The following CREB1 variants were observed in gnomAD, a reference collection of about 807,000 sequenced individuals.
The protein encoded by CREB1 is cyclic AMP-responsive element-binding protein 1.
Under a neutral mutation model 42.0 loss-of-function variants are expected in CREB1, and 2 were observed. The ratio of observed to expected loss-of-function variants is 0.05; its 90% CI spans 0.02 to 0.15. The LOEUF is 0.15. Among genes scored for constraint, CREB1 ranks in the 10% least tolerant of loss-of-function variants. The probability of loss-of-function intolerance (pLI) is 1.00; values close to 1 mark genes in which losing one functional copy is unlikely to be tolerated. For missense variants in CREB1, 199 were observed against 388.9 expected (o/e 0.51, Z 4.11); for synonymous variants, 123 against 139.9 (o/e 0.88, Z 0.85).
chr2:207,531,278 C>T (rs1480466943), intron 1 of CREB1, among the ~76,000 whole-genome samples: 2 of 152,168 alleles, frequency 1.3e-5, no homozygotes, highest in African/African-American at 2.4e-5. Context: ...CCCACTCCCC[C>T]TACCATATTT....
At chr2:207,541,846 C>T (rs1303882883) in intron 1 of CREB1, among the ~76,000 whole-genome samples, 2 of 152,294 alleles carry the variant, frequency 1.3e-5, no homozygotes, top group Middle Eastern at 3.4e-3. Flanking sequence ...CAGCCATCAC[C>T]TCTTAATCTC....
intron 1 of CREB1, among the ~76,000 whole-genome samples, chr2:207,530,831 C>T (rs1283791904): frequency 6.6e-6 from 1 of 151,886 alleles, no homozygotes; most frequent in Non-Finnish European, 1.5e-5. Context: ...AAGGTTTCCT[C>T]TCGTGCTGTA....
At position 207,601,882 on chromosome 2, in the gene CREB1, G is replaced by C. The variant is rs1482854445; in HGVS notation, c.*4824G>C. ...TTGTTGGGAGGCTTACATACATCTTGAATATTCTTAATGTAATAATGTTGA... is the reference window on the plus strand; with the variant it reads ...TTGTTGGGAGGCTTACATACATCTTCAATATTCTTAATGTAATAATGTTGA... On this transcript the variant is annotated 3_prime_UTR_variant, in exon 8 of 8. Transcript: ENST00000353267. The C allele has an allele frequency of 4.6e-6, 1 of 215,056 alleles. No individual in the cohort carries two copies. The highest frequency in any genetic ancestry group is 9.4e-6 in the Non-Finnish European group (1 of 106,746). The allele number at this position is 215,056 out of a possible 1,614,324, so 13.3% of individuals were successfully genotyped here.
intron 2 of CREB1, among the ~76,000 whole-genome samples, chr2:207,558,673 T>G (rs999720950): frequency 6.6e-6 from 1 of 151,702 alleles, no homozygotes; most frequent in African/African-American, 2.4e-5. Flanking sequence ...AGATGGAGTT[T>G]TGTTCTTATT....
chr2:207,538,619 A>G (rs2080969773), intron 1 of CREB1, among the ~76,000 whole-genome samples: 1 of 152,178 alleles, frequency 6.6e-6, no homozygotes, highest in African/African-American at 2.4e-5. Context: ...TAAGGAATTG[A>G]TGGTGAGTTT....
At chr2:207,551,505 A>C (rs1458030147) in intron 1 of CREB1, among the ~76,000 whole-genome samples, 1 of 152,182 alleles carries the variant, frequency 6.6e-6, no homozygotes, top group Non-Finnish European at 1.5e-5. Context: ...TATGACTTGT[A>C]GTTTTTTTAA....
chr2:207,543,847 C>T (rs7590024), intron 1 of CREB1, among the ~76,000 whole-genome samples: 1 of 152,192 alleles, frequency 6.6e-6, no homozygotes, highest in Non-Finnish European at 1.5e-5. Context: ...TTGTGATCTG[C>T]CCACCTCAGC....
Position 207,600,971 on chromosome 2 carries a change from C to T in CREB1, c.*3913C>T. On this transcript the variant is annotated 3_prime_UTR_variant, in exon 8 of 8. Coordinates refer to ENST00000353267, the MANE Select transcript of CREB1 (RefSeq NM_004379.5). ...TAATTCTATGATCAGCCACAGTCAG[C>T]TATTACCATAAATTGGTCTCTGTTT... 1 of 148,278 alleles carries T rather than the reference C, an allele frequency of 6.7e-6. No homozygotes were observed. Among genetic ancestry groups the T allele is most frequent in the Non-Finnish European group, 1.3e-5 (1 of 77,700 alleles). 9.2% of individuals were successfully genotyped at this position (148,278 alleles called of 1,614,324 possible).
At chr2:207,542,479 A>G (rs1018978955) in intron 1 of CREB1, among the ~76,000 whole-genome samples, 16 of 152,100 alleles carry the variant, frequency 1.1e-4, no homozygotes, top group African/African-American at 3.9e-4. Flanking sequence ...CTTCTTTGGG[A>G]AAATTTCTGT....
At chr2:207,591,385 G>A (rs2084994052) in intron 7 of CREB1, among the ~76,000 whole-genome samples, 1 of 152,226 alleles carries the variant, frequency 6.6e-6, no homozygotes, top group Admixed American at 6.5e-5. Context: ...TTCTTCAGAA[G>A]AATGCTTTGT....
chr2:207,554,372 A>G (rs550591474), intron 1 of CREB1, among the ~76,000 whole-genome samples: 2 of 152,336 alleles, frequency 1.3e-5, no homozygotes, highest in African/African-American at 4.8e-5. Context: ...TTTGATGACC[A>G]ATTTCAGAGT....
intron 7 of CREB1, among the ~76,000 whole-genome samples, chr2:207,590,312 CCTCT>C (rs140908499): frequency 6.6e-6 from 1 of 151,344 alleles, no homozygotes; most frequent in African/African-American, 2.4e-5. Context: ...TTTTGTCTTT[CCTCT>C]CTCTCTGTAT....
rs2086677804 is a variant in CREB1, at chr2:207,599,404, G to GTATTCTCTA, written c.*2347_*2355dup. 3 of 203,638 alleles carry GTATTCTCTA rather than the reference G, an allele frequency of 1.5e-5. No individual in the cohort carries two copies. In the East Asian group the frequency reaches 2.3e-4, roughly 15 times the overall value. The allele number at this position is 203,638 out of a possible 1,614,324, so 12.6% of individuals were successfully genotyped here. On this transcript the variant is annotated 3_prime_UTR_variant, in exon 8 of 8. Coordinates refer to ENST00000353267, the MANE Select transcript of CREB1 (RefSeq NM_004379.5). The stretch of plus-strand genomic sequence containing the variant: ...AAAATTGCCTGATGTTTAGCAGTTT[G>GTATTCTCTA]TATTCTCTAAAGCTTTTTTTCAAAA...
chr2:207,548,821 G>C (rs2081393522), intron 1 of CREB1, among the ~76,000 whole-genome samples: 2 of 152,232 alleles, frequency 1.3e-5, no homozygotes, highest in South Asian at 4.1e-4. Flanking sequence ...GATGACTATG[G>C]TGGTGGTTGG....
At position 207,602,642 on chromosome 2, in the gene CREB1, C is replaced by T. The variant is rs562006703; in HGVS notation, c.*5584C>T. On this transcript the variant is annotated 3_prime_UTR_variant, in exon 8 of 8. Coordinates refer to ENST00000353267, the MANE Select transcript of CREB1 (RefSeq NM_004379.5). ...TTGTTGGCCAAGTGAAATGATCTAT[C>T]ATTGTGTTTGGGAGGTTTTATTTTC... 9.4e-6 allele frequency: 2 copies of T among 211,804 alleles called. No individual in the cohort carries two copies. The highest frequency in any genetic ancestry group is 1.4e-4 in the East Asian group (2 of 14,148). The allele number at this position is 211,804 out of a possible 1,614,324, so 13.1% of individuals were successfully genotyped here. A position where few individuals can be genotyped will look rare whatever the true frequency, so the allele number is the denominator to read the frequency against.
At chr2:207,561,740 T>C (rs193183632) in intron 3 of CREB1, among the ~76,000 whole-genome samples, 54 of 152,340 alleles carry the variant, frequency 3.5e-4, no homozygotes, top group Non-Finnish European at 8.8e-5. Context: ...TTATGTTTTC[T>C]TTACATATAG....
rs2086468842 is a variant in CREB1, at chr2:207,598,115, T to G, written c.*1057T>G. 5.5e-6 allele frequency: 1 copy of G among 180,842 alleles called. No homozygotes were observed. The highest frequency in any genetic ancestry group is 2.0e-4 in the South Asian group (1 of 5,072). The allele number at this position is 180,842 out of a possible 1,614,324, so 11.2% of individuals were successfully genotyped here. On this transcript the variant is annotated 3_prime_UTR_variant, in exon 8 of 8. Coordinates refer to ENST00000353267, the MANE Select transcript of CREB1 (RefSeq NM_004379.5). ...GTTACATGTAGAAAAATACTGATTT[T>G]AAATATTTTCCATATTAACAATTTA...
intron 5 of CREB1, among the ~76,000 whole-genome samples, chr2:207,573,464 A>C (rs1485863005): frequency 6.6e-6 from 1 of 152,248 alleles, no homozygotes; most frequent in Non-Finnish European, 1.5e-5. Flanking sequence ...GGCTGGGCAC[A>C]GTGGCTCACG....
intron 1 of CREB1, among the ~76,000 whole-genome samples, chr2:207,552,185 C>G (rs1039355227): frequency 6.6e-6 from 1 of 151,490 alleles, no homozygotes. Context: ...AAAGAAATAT[C>G]GAGTTGTGGA....
Sources: allele counts gnomAD v4.1 joint callset (sites outside exome capture counted in the v4.1 genomes callset), GRCh38; gene constraint gnomAD v4.1.1; transcripts MANE v1.5; gene names NCBI Gene and HGNC (gene_info 2026-07-23, HGNC 2026-07-21).